GAPVD1: variants seen among roughly 807,000 people sequenced by gnomAD.
The protein encoded by GAPVD1 is GTPase-activating protein and VPS9 domain-containing protein 1.
GAPVD1 carries 35 observed loss-of-function variants against 155.5 expected under a neutral mutation model. The observed-to-expected ratio is 0.23, with a 90% CI of 0.17 to 0.30. GAPVD1 has a LOEUF of 0.30. GAPVD1 is among the 10% of genes least tolerant of loss of function. The pLI, the probability that GAPVD1 is intolerant of heterozygous loss-of-function variation, is 1.00. For synonymous variants in GAPVD1, 636 were observed against 619.7 expected (o/e 1.03, Z -0.39); for missense variants, 1,429 against 1,775.7 (o/e 0.80, Z 3.51).
At chr9:125,287,136 G>A (rs1837834301) in intron 2 of GAPVD1, among the ~76,000 whole-genome samples, 1 of 152,064 alleles carries the variant, frequency 6.6e-6, no homozygotes, top group South Asian at 2.1e-4. Context: ...ATTGCCATGT[G>A]CATACTGTAT....
At chr9:125,361,925 GTGT>G (rs1441582381) in intron 27 of GAPVD1, among the ~76,000 whole-genome samples, 1 of 152,188 alleles carries the variant, frequency 6.6e-6, no homozygotes, top group Non-Finnish European at 1.5e-5. Context: ...CTATTTCTTA[GTGT>G]TGTGATATTT....
chr9:125,362,189 G>A (rs1352881677), intron 27 of GAPVD1, among the ~76,000 whole-genome samples: 2 of 152,174 alleles, frequency 1.3e-5, no homozygotes, highest in Admixed American at 6.5e-5. Context: ...TGGCAACAGA[G>A]GGCATGTCAT....
At chr9:125,301,433 GA>G (rs1840835492) in intron 4 of GAPVD1, among the ~76,000 whole-genome samples, 1 of 151,848 alleles carries the variant, frequency 6.6e-6, no homozygotes, top group Non-Finnish European at 1.5e-5. Flanking sequence ...TCTACAAACT[GA>G]TAATTTTCTT....
chr9:125,286,980 A>T (rs968795230), intron 2 of GAPVD1, among the ~76,000 whole-genome samples: 2 of 152,070 alleles, frequency 1.3e-5, no homozygotes, highest in Non-Finnish European at 2.9e-5. Context: ...GCTACTCGGG[A>T]GGCTGAGGCA....
chr9:125,317,574 G>C (rs892733646), intron 9 of GAPVD1, among the ~76,000 whole-genome samples: 3 of 148,766 alleles, frequency 2.0e-5, no homozygotes, highest in African/African-American at 7.4e-5. Context: ...ATGGTGAGCT[G>C]AGATTGTGCT....
chr9:125,350,347 T>C lies in GAPVD1; in HGVS notation c.3352T>C (p.Phe1118Leu). ...TCTTTGCTCTGCGGACTCTGTTGCC[T>C]TCCCAGTGCTGACCCATTCAACAAG... ...LALCSADSVA[F>L]PVLTHSTRNG... The change falls in exon 22 of 28, where the codon TTC becomes CTC. Residue 1118 changes from phenylalanine to leucine, a missense_variant. This residue lies in a region of GAPVD1 where 699 missense variants were observed against 826.0 expected (regional missense o/e 0.85). Transcript: ENST00000297933. 1.9e-6 allele frequency: 3 copies of C among 1,597,552 alleles called. No individual in the cohort carries two copies. Among genetic ancestry groups the C allele is most frequent in the Middle Eastern group, 1.7e-4 (1 of 6,032 alleles).
intron 17 of GAPVD1, among the ~76,000 whole-genome samples, chr9:125,339,893 T>G (rs980831766): frequency 6.6e-6 from 1 of 152,174 alleles, no homozygotes; most frequent in African/African-American, 2.4e-5. Context: ...TGCCCTCATC[T>G]CTCTGCTAGG....
chr9:125,320,166 T>TA (rs1037837557), intron 9 of GAPVD1, among the ~76,000 whole-genome samples: 9 of 152,206 alleles, frequency 5.9e-5, no homozygotes, highest in African/African-American at 2.2e-4. Flanking sequence ...GTGAGGGTAC[T>TA]ATTCTTCCTT....
chr9:125,321,644 A>G (rs1844349788), intron 10 of GAPVD1, 82 bp downstream of exon 10: 1 of 1,258,488 alleles, frequency 7.9e-7, no homozygotes, highest in South Asian at 1.3e-5. Flanking sequence ...TATAAATTAT[A>G]ATTATACCAT....
rs1229645772 is a variant in GAPVD1 at position 125,354,896 on chromosome 9, AT to A, written c.3757+58del. On this transcript the variant is annotated intron_variant, in intron 24 of 27. Transcript: ENST00000297933. ...CTTCACCTGTAATACTGTTGGGAAG[AT>A]TTAGAAATACTGTTTTGTTTTGCTA... 8 of 1,224,178 alleles carry A rather than the reference AT, an allele frequency of 6.5e-6. No homozygotes were observed. The African/African-American group carries it at 8.9e-5, about 14-fold the overall frequency. The allele number at this position is 1,224,178 out of a possible 1,614,324, so 75.8% of individuals were successfully genotyped here. A position where few individuals can be genotyped will look rare whatever the true frequency, so the allele number is the denominator to read the frequency against.
At chr9:125,301,888 A>T (rs920376540) in intron 4 of GAPVD1, 95 bp from the exon 5 acceptor site, 4 of 1,027,132 alleles carry the variant, frequency 3.9e-6, no homozygotes, top group Non-Finnish European at 5.4e-6. Flanking sequence ...TTGGGACCAT[A>T]ATCAACTCAC....
intron 19 of GAPVD1, chr9:125,346,465 T>C (rs1589077781): frequency 3.4e-6 from 1 of 296,704 alleles, no homozygotes; most frequent in Non-Finnish European, 6.5e-6. Context: ...GAAGTCTGCA[T>C]GTAAAAATGC....
intron 4 of GAPVD1, among the ~76,000 whole-genome samples, chr9:125,300,040 T>A (rs1303195352): frequency 0.64 from 3,244 of 5,094 alleles, 1,322 homozygotes; most frequent in Middle Eastern, 0.83. Context: ...AAAAAAAAAA[T>A]ATATATATAT....
At chr9:125,293,833 A>ATTTT (rs1564310263) in intron 2 of GAPVD1, among the ~76,000 whole-genome samples, 19 of 113,574 alleles carry the variant, frequency 1.7e-4, no homozygotes, top group African/African-American at 6.7e-4. Context: ...ATAAAAAAAT[A>ATTTT]TATATATAAA....
At chr9:125,338,476 G>A (rs1280856916) in intron 17 of GAPVD1, among the ~76,000 whole-genome samples, 1 of 152,190 alleles carries the variant, frequency 6.6e-6, no homozygotes, top group Non-Finnish European at 1.5e-5. Flanking sequence ...ATCACAGACT[G>A]CTTTTAGTTG....
intron 1 of GAPVD1, among the ~76,000 whole-genome samples, chr9:125,268,495 GTTTT>G (rs911483935): frequency 1.1e-5 from 1 of 89,160 alleles, no homozygotes; most frequent in African/African-American, 4.3e-5. Context: ...CCCTAACATT[GTTTT>G]TTTTTTTTTT....
chr9:125,302,310 G>A lies in GAPVD1; in HGVS notation c.513G>A (p.Leu171=). The A allele has an allele frequency of 6.2e-7, 1 of 1,614,022 alleles. No individual in the cohort carries two copies. Among genetic ancestry groups the A allele is most frequent in the Non-Finnish European group, 8.5e-7 (1 of 1,179,920 alleles). ...LKESDNPRRL[L]RRGTCAFSIL... is the part of the protein sequence containing the mutation. ...AAAGTGACAACCCTAGGCGACTTTT[G>A]AGGAGAGGAACTTGTGCCTTCAGCA... is the stretch of plus-strand genomic sequence containing the variant. The change falls in exon 5 of 28, where the codon TTG becomes TTA. Residue 171 remains leucine (L), a synonymous_variant. Coordinates refer to ENST00000297933, the MANE Select transcript of GAPVD1 (RefSeq NM_001282680.3).
rs544798765 is a variant in GAPVD1, at chr9:125,329,783, CG to C, written c.2033-292del. On this transcript the variant is annotated intron_variant, in intron 12 of 27. Coordinates refer to ENST00000297933, the MANE Select transcript of GAPVD1 (RefSeq NM_001282680.3). ...TGCACCCCCTGCAACCTCTGCCTCCCGGGTTCTTGTGCCTCAGCTTCCCAAG... is the reference window on the plus strand; with the variant it reads ...TGCACCCCCTGCAACCTCTGCCTCCCGGTTCTTGTGCCTCAGCTTCCCAAG... 4.2e-3 allele frequency among the ~76,000 whole-genome samples: 637 copies of C among 152,152 alleles called. 6 individuals are homozygous for C. Among genetic ancestry groups the C allele is most frequent in the African/African-American group, 0.015 (614 of 41,514 alleles).
At chr9:125,293,844 A>ATATATTTTATATATATAAAT (rs1839146995) in intron 2 of GAPVD1, among the ~76,000 whole-genome samples, 1 of 69,146 alleles carries the variant, frequency 1.4e-5, no homozygotes, top group African/African-American at 7.0e-5. Context: ...TATATATAAA[A>ATATATTTTATATATATAAAT]ATATATTTTA....
Sources: gnomAD v4.1 joint callset for allele counts (sites outside exome capture counted in the v4.1 genomes callset) on GRCh38, gnomAD v4.1.1 for gene constraint, gnomAD v4.1.1 regional missense constraint, MANE v1.5 for transcripts, NCBI Gene and HGNC (gene_info 2026-07-23, HGNC 2026-07-21) for gene names.